Variants in ATP11A observed in about 807,000 individuals in gnomAD.
The protein encoded by ATP11A is ATPase phospholipid transporting 11A, also known as phospholipid-transporting ATPase IH.
ATP11A carries 81 observed loss-of-function variants against 154.4 expected under a neutral mutation model. That is an observed-to-expected ratio of 0.52 (90% confidence interval 0.44 to 0.63). The LOEUF (loss-of-function observed/expected upper bound fraction) is 0.63, where lower values mean the gene tolerates loss of function less well. Among genes scored for constraint, ATP11A ranks in the 30% least tolerant of loss-of-function variants. The pLI, the probability that ATP11A is intolerant of heterozygous loss-of-function variation, is 0.00. For synonymous variants in ATP11A, 623 were observed against 585.9 expected (o/e 1.06, Z -0.91); for missense variants, 1,316 against 1,474.3 (o/e 0.89, Z 1.76).
Position 112,857,852 on chromosome 13 carries a change from C to A in ATP11A, c.2453C>A (p.Pro818Gln). 6.2e-7 allele frequency: 1 copy of A among 1,614,170 alleles called. No individual in the cohort carries two copies. The highest frequency in any genetic ancestry group is 8.5e-7 in the Non-Finnish European group (1 of 1,180,010). The change falls in exon 21 of 30, where the codon CCA (proline) becomes CAA (glutamine). Residue 818 changes from proline (P) to glutamine (Q), a missense_variant. Coordinates refer to ENST00000375645, the MANE Select transcript of ATP11A (RefSeq NM_015205.3). ...TTAATCAAATTTTCAAAAGAGCACC[C>A]AATCACGTTAGCAATTGGCGATGGT... is the stretch of plus-strand genomic sequence containing the variant. Reference protein sequence around the residue: ...VKLIKFSKEHPITLAIGDGAN... With the variant: ...VKLIKFSKEHQITLAIGDGAN...
At chr13:112,817,381 C>G (rs545831651) in intron 6 of ATP11A, among the ~76,000 whole-genome samples, 27 of 152,258 alleles carry the variant, frequency 1.8e-4, no homozygotes, top group African/African-American at 6.5e-4. Context: ...ACCTATGGAT[C>G]TTTTTCAGTT....
chr13:112,747,557 C>A (rs1303632215), intron 1 of ATP11A: 1 of 152,232 alleles, frequency 6.6e-6, no homozygotes, highest in East Asian at 1.9e-4. Context: ...AACACAGGGC[C>A]TGGTATGGTG....
chr13:112,802,001 A>T (rs1047463657), intron 2 of ATP11A, among the ~76,000 whole-genome samples: 1 of 152,206 alleles, frequency 6.6e-6, no homozygotes, highest in Non-Finnish European at 1.5e-5. Context: ...CCACTTTAGG[A>T]CTTACTGTAA....
chr13:112,846,742 C>T (rs892171355), intron 17 of ATP11A, among the ~76,000 whole-genome samples: 28 of 152,192 alleles, frequency 1.8e-4, no homozygotes, highest in African/African-American at 6.3e-4. Context: ...TGCTGGGTAT[C>T]GTGGTCCTCC....
rs2077126543 is a variant in ATP11A at position 112,767,608 on chromosome 13, C to A, written c.40-17527C>A. ...CACAGAATATCTGTGACTGTCTGAT[C>A]ATCTGCACATAATTGGCTTTTGAAA... is the stretch of plus-strand genomic sequence containing the variant. On this transcript the variant is annotated intron_variant, in intron 1 of 29. Coordinates refer to ENST00000375645, the MANE Select transcript of ATP11A (RefSeq NM_015205.3). Among the ~76,000 whole-genome samples the A allele has an allele frequency of 6.6e-5, 10 of 152,064 alleles. No individual in the cohort carries two copies. The South Asian group carries it at 2.1e-3, about 32-fold the overall frequency.
chr13:112,857,930 G>T lies in ATP11A; in HGVS notation c.2521+10G>T. ...GCGCACGTGGGCATAGGTGAGCTTCGTCCTTGCTGCTGGCACATCCTGGTG... is the reference window on the plus strand; with the variant it reads ...GCGCACGTGGGCATAGGTGAGCTTCTTCCTTGCTGCTGGCACATCCTGGTG... On this transcript the variant is annotated intron_variant, in intron 21 of 29. Coordinates refer to ENST00000375645, the MANE Select transcript of ATP11A (RefSeq NM_015205.3). 1 of 1,613,684 alleles carries T rather than the reference G, an allele frequency of 6.2e-7. No homozygotes were observed. Among genetic ancestry groups the T allele is most frequent in the Non-Finnish European group, 8.5e-7 (1 of 1,179,578 alleles).
At chr13:112,846,391 C>T (rs1018109409) in intron 17 of ATP11A, among the ~76,000 whole-genome samples, 1 of 152,096 alleles carries the variant, frequency 6.6e-6, no homozygotes, top group Non-Finnish European at 1.5e-5. Context: ...TCCCGTGCAG[C>T]GTCTAACCTG....
intron 2 of ATP11A, among the ~76,000 whole-genome samples, chr13:112,788,503 C>A (rs988270633): frequency 1.3e-5 from 2 of 150,478 alleles, no homozygotes; most frequent in Admixed American, 1.3e-4. Context: ...GCGTAGACTC[C>A]TGTGGATACC....
At chr13:112,837,165 A>G (rs1167242305) in intron 16 of ATP11A, among the ~76,000 whole-genome samples, 1 of 152,046 alleles carries the variant, frequency 6.6e-6, no homozygotes, top group African/African-American at 2.4e-5. Context: ...TTGCATGGCC[A>G]TCACTTCCTA....
In ATP11A at chr13:112,856,028, C is replaced by G. The variant is rs1382819732; in HGVS notation, c.2361C>G (p.Ile787Met). ...SGNYRELFLE[I>M]CRSCSAVLCC... Reference sequence around the variant, plus strand: ...ACTACAGGGAGCTCTTCCTGGAAATCTGCCGGAGCTGCAGCGCGGTGCTCT... The same window carrying G: ...ACTACAGGGAGCTCTTCCTGGAAATGTGCCGGAGCTGCAGCGCGGTGCTCT... The change falls in exon 20 of 30, where the codon ATC becomes ATG. Residue 787 changes from isoleucine (I) to methionine (M), a missense_variant. Coordinates refer to ENST00000375645, the MANE Select transcript of ATP11A (RefSeq NM_015205.3). The G allele has an allele frequency of 6.2e-7, 1 of 1,614,150 alleles. No individual in the cohort carries two copies. The highest frequency in any genetic ancestry group is 1.1e-5 in the South Asian group (1 of 91,078).
rs200369525 is a variant in ATP11A, at chr13:112,832,963, A to T, written c.1499A>T (p.Lys500Ile). Reference sequence around the variant, plus strand: ...CCCAGGAAATCGCCGGACGGGGGGAAATCCTGTGTGTACATCTCATCCTCG... The same window carrying T: ...CCCAGGAAATCGCCGGACGGGGGGATATCCTGTGTGTACATCTCATCCTCG... ...DGPRKSPDGG[K>I]SCVYISSSPD... The change falls in exon 14 of 30, where the codon AAA becomes ATA. Residue 500 changes from lysine (K) to isoleucine (I), a missense_variant. By Grantham distance (102) the Lys-to-Ile change is moderately radical (BLOSUM62 -3). This residue lies in a region of ATP11A where 876 missense variants were observed against 1,006.8 expected (regional missense o/e 0.87). Transcript: ENST00000375645. 8.1e-5 allele frequency: 130 copies of T among 1,613,728 alleles called. No homozygotes were observed. The African/African-American group carries it at 1.3e-3, about 16-fold the overall frequency.
intron 1 of ATP11A, among the ~76,000 whole-genome samples, chr13:112,724,354 G>T (rs1413798709): frequency 6.6e-6 from 1 of 151,836 alleles, no homozygotes; most frequent in Non-Finnish European, 1.5e-5. Context: ...GGAGGGCCCT[G>T]TGACTCAGGG....
At chr13:112,810,432 C>T (rs1211068420) in intron 4 of ATP11A, among the ~76,000 whole-genome samples, 187 bp from the exon 5 acceptor site, 1 of 152,216 alleles carries the variant, frequency 6.6e-6, no homozygotes, top group Non-Finnish European at 1.5e-5. Context: ...GCTCGCGTTG[C>T]CATGGAACAT....
chr13:112,841,365 G>A (rs1248056265), intron 16 of ATP11A, among the ~76,000 whole-genome samples: 7 of 143,390 alleles, frequency 4.9e-5, no homozygotes, highest in East Asian at 2.1e-4. Flanking sequence ...TCTGTGTGTC[G>A]GGAGCACCTG....
At chr13:112,828,536 T>C (rs2079005875) in intron 12 of ATP11A, among the ~76,000 whole-genome samples, 2 of 149,976 alleles carry the variant, frequency 1.3e-5, no homozygotes, top group African/African-American at 4.9e-5. Flanking sequence ...CCAGCAGTGT[T>C]GAGTAGGGGG....
intron 15 of ATP11A, 98 bp from the exon 16 acceptor site, chr13:112,836,080 C>A: frequency 1.2e-6 from 1 of 847,186 alleles, no homozygotes; most frequent in Non-Finnish European, 1.9e-6. Context: ...AGGGCCAGGG[C>A]TGCCCCAGCC....
intron 28 of ATP11A, among the ~76,000 whole-genome samples, chr13:112,876,855 C>A (rs1215695014): frequency 6.6e-6 from 1 of 152,174 alleles, no homozygotes; most frequent in Non-Finnish European, 1.5e-5. Context: ...AGCGGTGCTG[C>A]TGTGCTGGGA....
Position 112,806,958 on chromosome 13 carries a change from G to A in ATP11A, c.333+665G>A, listed in dbSNP as rs74115491. Among the ~76,000 whole-genome samples the A allele has an allele frequency of 1.5e-3, 221 of 152,310 alleles. 2 individuals carry two copies. Among genetic ancestry groups the A allele is most frequent in the African/African-American group, 5.1e-3 (211 of 41,550 alleles). On this transcript the variant is annotated intron_variant, in intron 4 of 29. Coordinates refer to ENST00000375645, the MANE Select transcript of ATP11A (RefSeq NM_015205.3). ...AAGGTTTCTCTGCATCTGAGCAGGC[G>A]TCAGCGCTTCATTCCGTCTGATGAA... is the stretch of plus-strand genomic sequence containing the variant.
chr13:112,833,226 C>T (rs371555915), intron 14 of ATP11A, among the ~76,000 whole-genome samples: 5 of 152,304 alleles, frequency 3.3e-5, no homozygotes, highest in East Asian at 3.9e-4. Context: ...GTCTGGTCCC[C>T]GGCGCGTGAG....
Sources: gnomAD v4.1 joint callset for allele counts (sites outside exome capture counted in the v4.1 genomes callset) on GRCh38, gnomAD v4.1.1 for gene constraint, gnomAD v4.1.1 regional missense constraint, MANE v1.5 for transcripts, NCBI Gene and HGNC (gene_info 2026-07-23, HGNC 2026-07-21) for gene names.